The following DNAJC1 variants were observed in gnomAD, a reference collection of about 807,000 sequenced individuals.
The protein encoded by DNAJC1 is DnaJ heat shock protein family (Hsp40) member C1.
A neutral mutation model predicts 76.6 loss-of-function variants in DNAJC1; 58 were observed. The observed-to-expected ratio is 0.76, with a 90% CI of 0.61 to 0.94. DNAJC1 has a LOEUF of 0.94. Among genes scored for constraint, DNAJC1 ranks in the 40% least tolerant of loss-of-function variants. The pLI, the probability that DNAJC1 is intolerant of heterozygous loss-of-function variation, is 0.00. For synonymous variants in DNAJC1, 258 were observed against 267.9 expected, an observed-to-expected ratio of 0.96 and a Z score of 0.36; for missense variants, 689 against 677.3, an observed-to-expected ratio of 1.02 and a Z score of -0.19.
intron 1 of DNAJC1, among the ~76,000 whole-genome samples, chr10:21,947,882 T>C (rs907841678): frequency 2.6e-5 from 4 of 152,334 alleles, no homozygotes; most frequent in African/African-American, 9.6e-5. Context: ...AAATATTTTA[T>C]TTCAGTATAT....
intron 8 of DNAJC1, among the ~76,000 whole-genome samples, chr10:21,820,241 T>C (rs1011071423): frequency 6.6e-6 from 1 of 152,236 alleles, no homozygotes; most frequent in Non-Finnish European, 1.5e-5. Context: ...TGTAGTAGCA[T>C]ATATCAGTAC....
chr10:21,902,054 T>C (rs1564821922), intron 7 of DNAJC1, among the ~76,000 whole-genome samples: 3 of 152,358 alleles, frequency 2.0e-5, no homozygotes, highest in South Asian at 4.1e-4. Context: ...GACTGTTCTT[T>C]AACATTCTTA....
intron 9 of DNAJC1, among the ~76,000 whole-genome samples, chr10:21,768,577 T>C (rs531944172): frequency 5.0e-4 from 76 of 152,326 alleles, no homozygotes; most frequent in Admixed American, 2.2e-3. Flanking sequence ...CCTGTTATAA[T>C]TGAAATAGAT....
intron 8 of DNAJC1, among the ~76,000 whole-genome samples, chr10:21,813,184 CT>C (rs1835006808): frequency 5.1e-5 from 1 of 19,508 alleles, no homozygotes; most frequent in Non-Finnish European, 8.9e-5. Context: ...CCCTCTCTCT[CT>C]CTCTCTCTCT....
chr10:21,759,148 G>C (rs1310586496), intron 11 of DNAJC1, 22 bp downstream of exon 11: 5 of 1,600,708 alleles, frequency 3.1e-6, no homozygotes, highest in Non-Finnish European at 4.3e-6. Context: ...CCTGTGCAGA[G>C]GCCTCTTTCC....
At chr10:21,986,851 T>C (rs1054078506) in intron 1 of DNAJC1, among the ~76,000 whole-genome samples, 1 of 152,168 alleles carries the variant, frequency 6.6e-6, no homozygotes, top group Non-Finnish European at 1.5e-5. Context: ...CACTGCAAAC[T>C]CCGCCTCCCA....
chr10:21,992,500 C>T (rs557720764), intron 1 of DNAJC1, among the ~76,000 whole-genome samples: 16 of 151,602 alleles, frequency 1.1e-4, no homozygotes, highest in Non-Finnish European at 1.9e-4. Flanking sequence ...TTGCAGTGAG[C>T]AGAGATTGTG....
intron 8 of DNAJC1, among the ~76,000 whole-genome samples, chr10:21,817,438 T>G (rs955816369): frequency 6.6e-6 from 1 of 152,116 alleles, no homozygotes; most frequent in Non-Finnish European, 1.5e-5. Flanking sequence ...TTTCCCCTCA[T>G]TTTTTATTTT....
chr10:21,925,355 C>A (rs1837110744), intron 3 of DNAJC1, among the ~76,000 whole-genome samples: 1 of 152,234 alleles, frequency 6.6e-6, no homozygotes, highest in South Asian at 2.1e-4. Context: ...TGCCATTATG[C>A]AGTACATGAC....
chr10:21,830,136 C>A (rs1008464478), intron 8 of DNAJC1, among the ~76,000 whole-genome samples: 1 of 152,142 alleles, frequency 6.6e-6, no homozygotes, highest in African/African-American at 2.4e-5. Context: ...ACCATTATTA[C>A]AATACTTGCT....
intron 9 of DNAJC1, among the ~76,000 whole-genome samples, chr10:21,771,294 C>T (rs1834374524): frequency 6.6e-6 from 1 of 152,096 alleles, no homozygotes; most frequent in Admixed American, 6.5e-5. Flanking sequence ...CCTAAATGCC[C>T]TGGCTAAGAC....
chr10:21,829,346 C>T (rs59317952), intron 8 of DNAJC1, among the ~76,000 whole-genome samples: 14 of 152,036 alleles, frequency 9.2e-5, no homozygotes, highest in African/African-American at 2.4e-4. Flanking sequence ...CCCGGGTAGG[C>T]GGGACTACAG....
In DNAJC1 at chr10:21,805,993, C is replaced by T. The variant is rs200922053; in HGVS notation, c.1085G>A (p.Arg362Gln). The change falls in exon 9 of 12, where the codon CGA becomes CAA. Residue 362 changes from arginine (R) to glutamine (Q), a missense_variant. Physicochemically the swap from Arg to Gln is conservative, Grantham distance 43. Transcript: ENST00000376980. ...CAGTGAACTCACATCTGTCACAGAT[C>T]GACCCAATTCGTGGGCAATCTTTTC... ...RWEKIAHELG[R>Q]SVTDVTTKAK... is the part of the protein sequence containing the mutation. 5.8e-5 allele frequency: 94 copies of T among 1,611,436 alleles called. 1 individual carries two copies. In the East Asian group the frequency reaches 9.6e-4, roughly 16 times the overall value.
intron 9 of DNAJC1, among the ~76,000 whole-genome samples, chr10:21,773,958 G>A (rs1290954617): frequency 1.3e-5 from 2 of 150,932 alleles, no homozygotes; most frequent in South Asian, 2.1e-4. Flanking sequence ...CGGCTAAAAC[G>A]GTGAAACCCC....
chr10:21,783,135 T>C (rs1380918654), intron 9 of DNAJC1, among the ~76,000 whole-genome samples: 3 of 152,178 alleles, frequency 2.0e-5, no homozygotes, highest in Non-Finnish European at 4.4e-5. Flanking sequence ...ATGACATGAT[T>C]GTATATTTAG....
chr10:21,790,097 C>A (rs1324494944), intron 9 of DNAJC1, among the ~76,000 whole-genome samples: 1 of 121,560 alleles, frequency 8.2e-6, no homozygotes, highest in African/African-American at 3.1e-5. Context: ...TGAGTTTGAA[C>A]ACAGGTCATT....
chr10:21,990,963 G>A (rs921696529), intron 1 of DNAJC1, among the ~76,000 whole-genome samples: 14 of 152,152 alleles, frequency 9.2e-5, no homozygotes, highest in African/African-American at 3.4e-4. Flanking sequence ...TACTCATTAG[G>A]AGTTATGAAA....
intron 1 of DNAJC1, among the ~76,000 whole-genome samples, chr10:21,964,128 A>G (rs1241884987): frequency 6.6e-6 from 1 of 152,228 alleles, no homozygotes; most frequent in African/African-American, 2.4e-5. Flanking sequence ...AAGACATGGT[A>G]TATTTCTGAA....
At chr10:21,826,860 A>C (rs991254976) in intron 8 of DNAJC1, among the ~76,000 whole-genome samples, 1 of 152,114 alleles carries the variant, frequency 6.6e-6, no homozygotes, top group African/African-American at 2.4e-5. Flanking sequence ...ATTGGTCTAC[A>C]TATCTGTCTG....
Sources: allele counts gnomAD v4.1 joint callset (sites outside exome capture counted in the v4.1 genomes callset), GRCh38; gene constraint gnomAD v4.1.1; transcripts MANE v1.5; gene names NCBI Gene and HGNC (gene_info 2026-07-23, HGNC 2026-07-21).